The following GUSB variants were observed in gnomAD, a reference collection of about 807,000 sequenced individuals.
GUSB encodes beta-glucuronidase.
A neutral mutation model predicts 74.6 loss-of-function variants in GUSB; 51 were observed. The ratio of observed to expected loss-of-function variants is 0.68; its 90% CI spans 0.55 to 0.86. GUSB has a LOEUF of 0.86. Among genes scored for constraint, GUSB ranks in the 40% least tolerant of loss-of-function variants. The probability of loss-of-function intolerance (pLI) is 0.00; values close to 1 mark genes in which losing one functional copy is unlikely to be tolerated. For missense variants in GUSB, 736 were observed against 853.7 expected (o/e 0.86, Z 1.72); for synonymous variants, 360 against 348.3 (o/e 1.03, Z -0.37).
intron 1 of GUSB, 131 bp downstream of exon 1, chr7:65,981,843 C>T: frequency 1.2e-6 from 1 of 803,996 alleles, no homozygotes; most frequent in Non-Finnish European, 1.9e-6. Flanking sequence ...GCCCCCAAGC[C>T]CGTTGACCTT....
intron 10 of GUSB, among the ~76,000 whole-genome samples, chr7:65,966,815 A>C (rs1790868910): frequency 6.6e-6 from 1 of 152,006 alleles, no homozygotes; most frequent in Non-Finnish European, 1.5e-5. Context: ...AGCACAGTGG[A>C]TCATGCCTGT....
At chr7:65,970,676 A>G (rs1011732218) in intron 8 of GUSB, among the ~76,000 whole-genome samples, 3 of 151,888 alleles carry the variant, frequency 2.0e-5, no homozygotes, top group Admixed American at 1.3e-4. Context: ...GGCAGATCAC[A>G]AGGTCAGGAG....
At position 65,974,389 on chromosome 7, in the gene GUSB, C is replaced by T. The variant is rs369767887; in HGVS notation, c.1297G>A (p.Val433Met). 23 of 1,614,112 alleles carry T rather than the reference C, an allele frequency of 1.4e-5. No homozygotes were observed. The highest frequency in any genetic ancestry group is 1.8e-5 in the Non-Finnish European group (21 of 1,180,036). Residue 433 changes from valine (V) to methionine (M), a missense_variant, in exon 8 of 12, where the codon GTG (valine) becomes ATG (methionine). Val to Met is a conservative substitution (Grantham distance 21). This residue lies in a region of GUSB where 368 missense variants were observed against 489.9 expected (regional missense o/e 0.75). Coordinates refer to ENST00000304895, the MANE Select transcript of GUSB (RefSeq NM_000181.4). ...LHHHMQVMEEVVRRDKNHPAV... is the reference protein window; with the variant it reads ...LHHHMQVMEEMVRRDKNHPAV... ...GGGTGGTTCTTGTCCCTACGCACCA[C>T]TTCTTCCATCACCTGCATGTGGTGA...
intron 10 of GUSB, 86 bp downstream of exon 10, chr7:65,967,645 T>C: frequency 9.0e-7 from 1 of 1,107,798 alleles, no homozygotes; most frequent in South Asian, 1.2e-5. Flanking sequence ...AGGGGAGCAG[T>C]GCAGTGGGCG....
At chr7:65,965,500 A>T (rs553573309) in intron 10 of GUSB, among the ~76,000 whole-genome samples, 1 of 152,308 alleles carries the variant, frequency 6.6e-6, no homozygotes, top group Non-Finnish European at 1.5e-5. Context: ...CAGACAGTGC[A>T]AATATAGAAC....
chr7:65,962,881 AAG>A (rs1019239278), intron 11 of GUSB, among the ~76,000 whole-genome samples: 45 of 145,208 alleles, frequency 3.1e-4, no homozygotes, highest in Middle Eastern at 3.4e-3. Flanking sequence ...AAAAAAAAAA[AAG>A]AGTCTCACTC....
intron 10 of GUSB, 70 bp downstream of exon 10, chr7:65,967,661 C>T: frequency 7.7e-7 from 1 of 1,302,740 alleles, no homozygotes; most frequent in Non-Finnish European, 1.1e-6. Context: ...GGGCGCAGGT[C>T]AGGCTGGAGG....
intron 11 of GUSB, 193 bp downstream of exon 11, chr7:65,964,130 G>A: frequency 1.5e-6 from 1 of 649,502 alleles, no homozygotes; most frequent in Non-Finnish European, 2.8e-6. Flanking sequence ...TGGGAGGCGG[G>A]GGCCTGATTG....
At chr7:65,962,613 C>T (rs1389038921) in intron 11 of GUSB, among the ~76,000 whole-genome samples, 1 of 152,074 alleles carries the variant, frequency 6.6e-6, no homozygotes, top group Admixed American at 6.6e-5. Flanking sequence ...TGGCTCATGC[C>T]TGTAATCCCA....
chr7:65,979,360 C>G, intron 4 of GUSB, 39 bp downstream of exon 4: 1 of 1,567,148 alleles, frequency 6.4e-7, no homozygotes, highest in Non-Finnish European at 8.7e-7. Context: ...ACAGAGCCAC[C>G]CTGGGCCCCG....
Position 65,974,555 on chromosome 7 carries a change from A to C in GUSB, c.1215T>G (p.Asp405Glu). The C allele has an allele frequency of 6.2e-7, 1 of 1,614,218 alleles. No individual in the cohort carries two copies. Among genetic ancestry groups the C allele is most frequent in the Non-Finnish European group, 8.5e-7 (1 of 1,180,050 alleles). ...GCGCCAGGCCCACGCCGGGACACTC[A>C]TCGATGACCACAATCCCATAGCGGT... The part of the protein sequence containing the change: ...MCDRYGIVVI[D>E]ECPGVGLALP... The change falls in exon 7 of 12, where the codon GAT (aspartate) becomes GAG (glutamate). Residue 405 changes from aspartate (D) to glutamate (E), a missense_variant. Around this residue, in one of 2 missense-constraint regions of GUSB, gnomAD observed 368 missense variants for 489.9 expected, o/e 0.75. Transcript: ENST00000304895.
Position 65,967,744 on chromosome 7 carries a change from G to A in GUSB, c.1640C>T (p.Ala547Val). The A allele has an allele frequency of 6.2e-7, 1 of 1,613,372 alleles. No homozygotes were observed. ...IQSEYGAETI[A>V]GFHQDPPLMF... is the part of the protein sequence containing the mutation. ...AACACTGCTTACCTGGTGAAACCCT[G>A]CAATCGTTTCTGCTCCATACTCGCT... is the stretch of plus-strand genomic sequence containing the variant. The change falls in exon 10 of 12, where the codon GCA becomes GTA. Residue 547 changes from alanine to valine, a missense_variant. Physicochemically the swap from Ala to Val is moderately conservative, Grantham distance 64. This residue lies in a region of GUSB where 368 missense variants were observed against 489.9 expected (regional missense o/e 0.75). Transcript: ENST00000304895.
At chr7:65,968,961 G>A (rs999200221) in intron 9 of GUSB, among the ~76,000 whole-genome samples, 2 of 152,188 alleles carry the variant, frequency 1.3e-5, no homozygotes, top group African/African-American at 4.8e-5. Context: ...TCACTCCAAG[G>A]AGCAGGGCGG....
In GUSB at chr7:65,979,752, T is replaced by G; in HGVS notation, c.556A>C (p.Ile186Leu). ...TTGGAGGTGTCAGTCAGGTATTGGATGGTCCCTGGTGGCAGGGTGGTGGGG... is the reference window on the plus strand; with the variant it reads ...TTGGAGGTGTCAGTCAGGTATTGGAGGGTCCCTGGTGGCAGGGTGGTGGGG... Reference protein sequence around the residue: ...LTPTTLPPGTIQYLTDTSKYP... With the variant: ...LTPTTLPPGTLQYLTDTSKYP... Residue 186 changes from isoleucine to leucine, a missense_variant, in exon 3 of 12, where the codon ATC (isoleucine) becomes CTC (leucine). Ile to Leu is a conservative substitution (Grantham distance 5, BLOSUM62 2). Around this residue, in one of 2 missense-constraint regions of GUSB, gnomAD observed 368 missense variants for 363.8 expected, o/e 1.01. Coordinates refer to ENST00000304895, the MANE Select transcript of GUSB (RefSeq NM_000181.4). 2 of 1,613,790 alleles carry G rather than the reference T, an allele frequency of 1.2e-6. No individual in the cohort carries two copies. Among genetic ancestry groups the G allele is most frequent in the Non-Finnish European group, 8.5e-7 (1 of 1,180,010 alleles).
intron 1 of GUSB, 188 bp downstream of exon 1, chr7:65,981,786 G>A (rs529518331): frequency 5.3e-6 from 3 of 568,410 alleles, no homozygotes; most frequent in African/African-American, 2.0e-5. Context: ...TGCCTAATCC[G>A]CCCCGGCCCT....
At chr7:65,978,804 G>A (rs969536657) in intron 4 of GUSB, among the ~76,000 whole-genome samples, 5 of 152,052 alleles carry the variant, frequency 3.3e-5, no homozygotes, top group African/African-American at 9.6e-5. Context: ...GAAAGACAGG[G>A]TCTGCGTCTG....
chr7:65,974,643 A>C lies in GUSB; in HGVS notation c.1127T>G (p.Leu376Arg). 6.2e-7 allele frequency: 1 copy of C among 1,613,992 alleles called. No individual in the cohort carries two copies. Among genetic ancestry groups the C allele is most frequent in the South Asian group, 1.1e-5 (1 of 91,080 alleles). ...GCTGGTACGGAAAGCGTTGGCACCA[A>C]GCCAGCGAAGCAGGTTGAAGTCCTT... ...LVKDFNLLRW[L>R]GANAFRTSHY... The change falls in exon 7 of 12, where the codon CTT becomes CGT. Residue 376 changes from leucine to arginine, a missense_variant. By Grantham distance (102) the Leu-to-Arg change is moderately radical. This residue lies in a region of GUSB where 368 missense variants were observed against 489.9 expected (regional missense o/e 0.75). Coordinates refer to ENST00000304895, the MANE Select transcript of GUSB (RefSeq NM_000181.4).
intron 4 of GUSB, among the ~76,000 whole-genome samples, chr7:65,979,034 T>C (rs1247128935): frequency 6.6e-6 from 1 of 152,108 alleles, no homozygotes; most frequent in Admixed American, 6.6e-5. Flanking sequence ...CCTTGCAAAG[T>C]GCTGGATGAC....
chr7:65,980,185 G>GGGGGGCCCCCCCCC, intron 2 of GUSB, 39 bp downstream of exon 2: 1 of 725,274 alleles, frequency 1.4e-6, no homozygotes, highest in Non-Finnish European at 2.4e-6. Flanking sequence ...CAGCAGCCGT[G>GGGGGGCCCCCCCCC]CCCCCCCACC....
Sources: allele counts gnomAD v4.1 joint callset (sites outside exome capture counted in the v4.1 genomes callset), GRCh38; gene constraint gnomAD v4.1.1; regional missense constraint gnomAD v4.1.1; transcripts MANE v1.5; gene names NCBI Gene and HGNC (gene_info 2026-07-23, HGNC 2026-07-21).